FHIP1A: variants seen among roughly 807,000 people sequenced by gnomAD.
FHIP1A encodes the protein FHF complex subunit HOOK interacting protein 1A, also known as FHF complex subunit HOOK-interacting protein 1A.
FHIP1A carries 61 observed loss-of-function variants against 88.6 expected under a neutral mutation model. That is an observed-to-expected ratio of 0.69 (90% confidence interval 0.56 to 0.85). FHIP1A has a LOEUF of 0.85. Among genes scored for constraint, FHIP1A ranks in the 40% least tolerant of loss-of-function variants. The pLI, the probability that FHIP1A is intolerant of heterozygous loss-of-function variation, is 0.00. For missense variants in FHIP1A, 1,154 were observed against 1,273.5 expected (o/e 0.91, Z 1.43); for synonymous variants, 478 against 496.0 (o/e 0.96, Z 0.48).
intron 1 of FHIP1A, among the ~76,000 whole-genome samples, chr4:151,425,776 T>G (rs1192030867): frequency 9.2e-6 from 1 of 109,048 alleles, no homozygotes. Flanking sequence ...GTCCTTGGCT[T>G]GTGGCTGCAT....
chr4:151,434,903 C>T (rs1299850559), intron 1 of FHIP1A, among the ~76,000 whole-genome samples: 2 of 151,998 alleles, frequency 1.3e-5, no homozygotes, highest in East Asian at 3.9e-4. Context: ...TTCTTTTTCA[C>T]ACTATGCAAG....
rs1733824047 is a variant in FHIP1A at position 151,577,150 on chromosome 4, T to C, written c.106-300T>C. Among the ~76,000 whole-genome samples the C allele has an allele frequency of 2.0e-5, 3 of 152,214 alleles. No individual in the cohort carries two copies. In the South Asian group the frequency reaches 6.2e-4, roughly 31 times the overall value. On this transcript the variant is annotated intron_variant, in intron 4 of 13. Coordinates refer to ENST00000435205, the MANE Select transcript of FHIP1A (RefSeq NM_001109977.3). ...TCATTTTCCTCAGTTATGTTCATAA[T>C]AAATAATCCAAAGAATGCATGTAGC...
chr4:151,548,684 G>A (rs916948179), intron 3 of FHIP1A, among the ~76,000 whole-genome samples: 1 of 152,084 alleles, frequency 6.6e-6, no homozygotes, highest in African/African-American at 2.4e-5. Flanking sequence ...CACTTTGGGA[G>A]GCTGAGGTGG....
intron 3 of FHIP1A, among the ~76,000 whole-genome samples, chr4:151,493,672 C>T (rs568880420): frequency 6.6e-6 from 1 of 152,254 alleles, no homozygotes; most frequent in South Asian, 2.1e-4. Flanking sequence ...GTTTAACATA[C>T]ACAAGTCAAT....
intron 5 of FHIP1A, 129 bp from the exon 6 acceptor site, chr4:151,586,512 A>G: frequency 1.5e-6 from 1 of 670,774 alleles, no homozygotes; most frequent in Non-Finnish European, 2.4e-6. Context: ...ACGGGCTCTT[A>G]TACCTTTAAT....
intron 2 of FHIP1A, among the ~76,000 whole-genome samples, chr4:151,455,708 T>A (rs1728943712): frequency 6.6e-6 from 1 of 152,290 alleles, no homozygotes; most frequent in Non-Finnish European, 1.5e-5. Context: ...CACATTTCAG[T>A]CTTTGTTATT....
At chr4:151,548,086 G>A (rs1732576532) in intron 3 of FHIP1A, among the ~76,000 whole-genome samples, 1 of 152,114 alleles carries the variant, frequency 6.6e-6, no homozygotes, top group South Asian at 2.1e-4. Flanking sequence ...TGGCTACTAA[G>A]TGATATAACT....
At position 151,668,975 on chromosome 4, in the gene FHIP1A, C is replaced by T. The variant is rs1156391504; in HGVS notation, c.*6221C>T. Among the ~76,000 whole-genome samples, 1 of 152,164 alleles carries T rather than the reference C, an allele frequency of 6.6e-6. No individual in the cohort carries two copies. Among genetic ancestry groups the T allele is most frequent in the Non-Finnish European group, 1.5e-5 (1 of 68,032 alleles). Reference sequence around the variant, plus strand: ...CCTGAGACAGATGGCAATGGCATCACCTGTGGTGCCAACTCATACATTTTA... The same window carrying T: ...CCTGAGACAGATGGCAATGGCATCATCTGTGGTGCCAACTCATACATTTTA... On this transcript the variant is annotated 3_prime_UTR_variant, in exon 14 of 14. Transcript: ENST00000435205.
chr4:151,574,402 G>A (rs1239449101), intron 4 of FHIP1A, among the ~76,000 whole-genome samples: 1 of 152,150 alleles, frequency 6.6e-6, no homozygotes, highest in Non-Finnish European at 1.5e-5. Context: ...AGGTCTGTTT[G>A]TAAAGGATTG....
At chr4:151,600,556 T>C (rs1442037671) in intron 7 of FHIP1A, among the ~76,000 whole-genome samples, 3 of 152,168 alleles carry the variant, frequency 2.0e-5, no homozygotes, top group Non-Finnish European at 4.4e-5. Context: ...ATTCTCAAAC[T>C]TAGTGACTTA....
At chr4:151,515,946 CTACTT>C (rs1285442981) in intron 3 of FHIP1A, among the ~76,000 whole-genome samples, 3 of 152,302 alleles carry the variant, frequency 2.0e-5, no homozygotes, top group Non-Finnish European at 2.9e-5. Flanking sequence ...TTGGAAAAAA[CTACTT>C]TAAAGTTCAT....
chr4:151,655,867 T>A (rs1347964443), intron 11 of FHIP1A, among the ~76,000 whole-genome samples: 1 of 152,198 alleles, frequency 6.6e-6, no homozygotes, highest in Non-Finnish European at 1.5e-5. Context: ...ATGGCTGTCA[T>A]GTTTTAAGCA....
intron 1 of FHIP1A, among the ~76,000 whole-genome samples, chr4:151,439,070 T>C (rs1363098750): frequency 6.6e-6 from 1 of 152,178 alleles, no homozygotes; most frequent in African/African-American, 2.4e-5. Context: ...TCTTTTATTT[T>C]AAAGCATGTT....
chr4:151,657,468 T>C (rs533052768), intron 13 of FHIP1A, among the ~76,000 whole-genome samples: 3 of 150,416 alleles, frequency 2.0e-5, no homozygotes, highest in Non-Finnish European at 4.4e-5. Context: ...GCCAGGGCCC[T>C]GGCAGAGTGA....
At chr4:151,526,552 A>T (rs1731656792) in intron 3 of FHIP1A, among the ~76,000 whole-genome samples, 1 of 127,596 alleles carries the variant, frequency 7.8e-6, no homozygotes, top group African/African-American at 3.0e-5. Context: ...ACTTCCCAGT[A>T]GGGGCGGCCG....
intron 7 of FHIP1A, among the ~76,000 whole-genome samples, chr4:151,603,518 T>G (rs1043736767): frequency 1.3e-5 from 2 of 152,086 alleles, no homozygotes; most frequent in Non-Finnish European, 2.9e-5. Flanking sequence ...CTGCACTGAT[T>G]GACCCTCATG....
In FHIP1A at chr4:151,547,179, T is replaced by C. The variant is rs369963798; in HGVS notation, c.-122-18959T>C. On this transcript the variant is annotated intron_variant, in intron 3 of 13. Coordinates refer to ENST00000435205, the MANE Select transcript of FHIP1A (RefSeq NM_001109977.3). ...GTCATAAAGGACTGTAGGCCATCAA[T>C]TGCATCCTGTATGTGTGAGCAGTGG... Among the ~76,000 whole-genome samples the C allele has an allele frequency of 1.3e-4, 20 of 152,278 alleles. No individual in the cohort carries two copies. In the East Asian group the frequency reaches 2.9e-3, roughly 22 times the overall value.
At chr4:151,443,370 C>T (rs1028151197) in intron 1 of FHIP1A, among the ~76,000 whole-genome samples, 5 of 152,038 alleles carry the variant, frequency 3.3e-5, no homozygotes, top group African/African-American at 7.2e-5. Flanking sequence ...CAGGCTGGAT[C>T]GCAATGGTGT....
rs925730901 is a variant in FHIP1A, at chr4:151,664,660, TAGAG to T, written c.*1908_*1911del. On this transcript the variant is annotated 3_prime_UTR_variant, in exon 14 of 14. Coordinates refer to ENST00000435205, the MANE Select transcript of FHIP1A (RefSeq NM_001109977.3). Reference sequence around the variant, plus strand: ...CATTAGAAAAGAAGGTAGCTTAAGATAGAGAAAGAGGAACAGTTGAAGATGGAAG... The same window carrying T: ...CATTAGAAAAGAAGGTAGCTTAAGATAAAGAGGAACAGTTGAAGATGGAAG... Among the ~76,000 whole-genome samples, 1 of 152,220 alleles carries T rather than the reference TAGAG, an allele frequency of 6.6e-6. No homozygotes were observed. Among genetic ancestry groups the T allele is most frequent in the African/African-American group, 2.4e-5 (1 of 41,464 alleles).
Sources: gnomAD v4.1 joint callset for allele counts (sites outside exome capture counted in the v4.1 genomes callset) on GRCh38, gnomAD v4.1.1 for gene constraint, MANE v1.5 for transcripts, NCBI Gene and HGNC (gene_info 2026-07-23, HGNC 2026-07-21) for gene names.